The following HTRA1 variants were observed in gnomAD, a reference collection of about 807,000 sequenced individuals.
HTRA1 encodes the protein serine protease HTRA1.
Under a neutral mutation model 49.7 loss-of-function variants are expected in HTRA1, and 26 were observed. The ratio of observed to expected loss-of-function variants is 0.52; its 90% CI spans 0.38 to 0.73. HTRA1 has a LOEUF of 0.73. Ranked by LOEUF, HTRA1 falls within the 30% of genes least tolerant of loss-of-function variation. The pLI is 0.00. For synonymous variants in HTRA1, 291 were observed against 286.9 expected (o/e 1.01, Z -0.14); for missense variants, 561 against 667.2 (o/e 0.84, Z 1.75).
At chr10:122,500,245 C>G (rs1315074636) in intron 3 of HTRA1, among the ~76,000 whole-genome samples, 1 of 152,168 alleles carries the variant, frequency 6.6e-6, no homozygotes, top group Admixed American at 6.5e-5. Context: ...GCCCCCTCCT[C>G]TTGCAGCAGT....
At chr10:122,491,213 A>G (rs2133439695) in intron 3 of HTRA1, among the ~76,000 whole-genome samples, 1 of 152,278 alleles carries the variant, frequency 6.6e-6, no homozygotes, top group Non-Finnish European at 1.5e-5. Context: ...AAGTCTAGTA[A>G]CCTGTGTGAG....
rs200827613 is a variant in HTRA1 at position 122,493,279 on chromosome 10, C to T, written c.777+3653C>T. ...GCTTCTGCCCAAATCTGAAATTCCC[C>T]TCTCCTTGGGACCCACGACTGGGGC... On this transcript the variant is annotated intron_variant, in intron 3 of 8. Transcript: ENST00000368984. Among the ~76,000 whole-genome samples the T allele has an allele frequency of 3.3e-5, 5 of 152,306 alleles. No individual in the cohort carries two copies. The East Asian group carries it at 9.7e-4, about 29-fold the overall frequency.
At chr10:122,477,219 G>A (rs886610502) in intron 1 of HTRA1, among the ~76,000 whole-genome samples, 71 of 152,064 alleles carry the variant, frequency 4.7e-4, no homozygotes, top group Non-Finnish European at 7.4e-4. Context: ...TGCCCACCTT[G>A]GCCTCCCAAA....
chr10:122,498,294 C>T (rs1253522215), intron 3 of HTRA1, among the ~76,000 whole-genome samples: 1 of 152,166 alleles, frequency 6.6e-6, no homozygotes, highest in Non-Finnish European at 1.5e-5. Flanking sequence ...ACTCCCCTCC[C>T]TAGACAGTAG....
rs1403451640 is a variant in HTRA1 at position 122,490,203 on chromosome 10, G to A, written c.777+577G>A. ...TTTCTTCTTTCCAGACCTTCTCAGA[G>A]CTTTTAGTATGCTAGTGTGCACGTG... On this transcript the variant is annotated intron_variant, in intron 3 of 8. Transcript: ENST00000368984. This position sits in a 1 kb window ranked among gnomAD's most constrained non-coding sequence, Gnocchi z 4.2. 1.3e-5 allele frequency among the ~76,000 whole-genome samples: 2 copies of A among 152,328 alleles called. No homozygotes were observed. The highest frequency in any genetic ancestry group is 2.4e-5 in the African/African-American group (1 of 41,580).
intron 8 of HTRA1, among the ~76,000 whole-genome samples, chr10:122,512,593 G>A (rs28617445): frequency 6.6e-6 from 1 of 151,688 alleles, no homozygotes; most frequent in Non-Finnish European, 1.5e-5. Context: ...AGAAAAGTGC[G>A]AGACCAGGGA....
rs1404007918 is a variant in HTRA1, at chr10:122,494,093, T to C, written c.777+4467T>C. ...GTCCCCTCAACTCCACTGCCTCACTTTGGGGACACATCACCCCAGGGACAA... is the reference window on the plus strand; with the variant it reads ...GTCCCCTCAACTCCACTGCCTCACTCTGGGGACACATCACCCCAGGGACAA... On this transcript the variant is annotated intron_variant, in intron 3 of 8. Transcript: ENST00000368984. The surrounding 1 kb of genome is among the most constrained non-coding windows in gnomAD (Gnocchi z 4.0). Among the ~76,000 whole-genome samples, 4 of 152,278 alleles carry C rather than the reference T, an allele frequency of 2.6e-5. No individual in the cohort carries two copies. Among genetic ancestry groups the C allele is most frequent in the Non-Finnish European group, 5.9e-5 (4 of 68,010 alleles).
intron 1 of HTRA1, 113 bp downstream of exon 1, chr10:122,462,237 G>C: frequency 1.1e-5 from 10 of 938,000 alleles, no homozygotes; most frequent in Non-Finnish European, 1.6e-5. Flanking sequence ...GGGTGGCCAG[G>C]GCAACTCTCG....
At chr10:122,511,742 AAAATAAATAAAAAAAATAAAT>A (rs2097505697) in intron 7 of HTRA1, among the ~76,000 whole-genome samples, 1 of 76,484 alleles carries the variant, frequency 1.3e-5, no homozygotes, top group African/African-American at 3.7e-5. Flanking sequence ...CAAAAAAAAA[AAAATAAATAAAAAAAATAAAT>A]AAATAATAAA....
Position 122,462,065 on chromosome 10 carries a change from G to T in HTRA1, c.413G>T (p.Arg138Leu). 6.5e-7 allele frequency: 1 copy of T among 1,535,786 alleles called. No individual in the cohort carries two copies. Among genetic ancestry groups the T allele is most frequent in the Non-Finnish European group, 8.7e-7 (1 of 1,147,598 alleles). ...NLCQLRAASR[R>L]SERLHRPPVI... is the part of the protein sequence containing the mutation. The stretch of plus-strand genomic sequence containing the variant: ...TGCCAGCTGCGCGCCGCCAGCCGCC[G>T]CTCCGAGAGGCTGCACCGGCCGCCG... The change falls in exon 1 of 9, where the codon CGC becomes CTC. Residue 138 changes from arginine (R) to leucine (L), a missense_variant. Physicochemically the swap from Arg to Leu is moderately radical, Grantham distance 102 (BLOSUM62 -2). Coordinates refer to ENST00000368984, the MANE Select transcript of HTRA1 (RefSeq NM_002775.5).
In HTRA1 at chr10:122,513,939, A is replaced by AT. The variant is rs1478237256; in HGVS notation, c.1275-251dup. On this transcript the variant is annotated intron_variant, in intron 8 of 8. Transcript: ENST00000368984. ...ATTTTAGTAGAGACGGGGCTTCACCATGTTGGCCAGGCTGGTCTTGAACTC... is the reference window on the plus strand; with the variant it reads ...ATTTTAGTAGAGACGGGGCTTCACCATTGTTGGCCAGGCTGGTCTTGAACTC... 2.1e-5 allele frequency among the ~76,000 whole-genome samples: 3 copies of AT among 144,560 alleles called. No homozygotes were observed. The South Asian group carries it at 6.6e-4, about 32-fold the overall frequency. The allele number at this position is 144,560 out of a possible 152,430, so 94.8% of individuals were successfully genotyped here. A position where few individuals can be genotyped will look rare whatever the true frequency, so the allele number is the denominator to read the frequency against.
chr10:122,475,506 T>C (rs1452992630), intron 1 of HTRA1, among the ~76,000 whole-genome samples: 3 of 152,260 alleles, frequency 2.0e-5, no homozygotes, highest in Non-Finnish European at 4.4e-5. Flanking sequence ...ATCATTCAAA[T>C]TTTAGCCTTT....
chr10:122,488,767 TG>T lies in HTRA1; in HGVS notation c.473-130del, dbSNP rs2097494298. The T allele has an allele frequency of 7.6e-6, 6 of 785,130 alleles. No homozygotes were observed. The East Asian group carries it at 1.2e-4, about 16-fold the overall frequency. 48.6% of individuals were successfully genotyped at this position (785,130 alleles called of 1,614,324 possible). A position where few individuals can be genotyped will look rare whatever the true frequency, so the allele number is the denominator to read the frequency against. Reference sequence around the variant, plus strand: ...ATGGACATTTGCAGCTGAGCCCAGGTGGGGGAATTGCGCTCACTCCGCCTTC... The same window carrying T: ...ATGGACATTTGCAGCTGAGCCCAGGTGGGGAATTGCGCTCACTCCGCCTTC... On this transcript the variant is annotated intron_variant, in intron 1 of 8. Transcript: ENST00000368984.
chr10:122,477,236 G>A (rs375564745), intron 1 of HTRA1, among the ~76,000 whole-genome samples: 3 of 152,188 alleles, frequency 2.0e-5, no homozygotes, highest in East Asian at 3.9e-4. Context: ...CAAAGCGCTG[G>A]GATTACAGGT....
intron 3 of HTRA1, among the ~76,000 whole-genome samples, chr10:122,491,230 C>T (rs189628562): frequency 6.4e-4 from 97 of 152,360 alleles, no homozygotes; most frequent in African/African-American, 2.2e-3. Flanking sequence ...TGAGGCCACA[C>T]AGCAAACACC....
intron 1 of HTRA1, among the ~76,000 whole-genome samples, chr10:122,484,812 G>T (rs961108750): frequency 4.6e-5 from 7 of 152,234 alleles, no homozygotes; most frequent in East Asian, 1.9e-4. Context: ...GCCTGTGCCA[G>T]CCTTCTCCTC....
rs1302155864 is a variant in HTRA1 at position 122,463,083 on chromosome 10, C to T, written c.472+959C>T. The stretch of plus-strand genomic sequence containing the variant: ...AACCAGACAGCGGGGCTTGGCAGTG[C>T]GCTTGGGCGCAGCCGTGCCGCTGCT... On this transcript the variant is annotated intron_variant, in intron 1 of 8. Coordinates refer to ENST00000368984, the MANE Select transcript of HTRA1 (RefSeq NM_002775.5). Among the ~76,000 whole-genome samples, 4 of 152,388 alleles carry T rather than the reference C, an allele frequency of 2.6e-5. No individual in the cohort carries two copies. In the East Asian group the frequency reaches 7.7e-4, roughly 29 times the overall value.
rs1565427091 is a variant in HTRA1 at position 122,496,224 on chromosome 10, G to GTTTTTTTTTTTT, written c.777+6598_777+6599insTTTTTTTTTTTT. On this transcript the variant is annotated intron_variant, in intron 3 of 8. Transcript: ENST00000368984. ...GCCCTTTCGTTTGCCAGAGATTGTG[G>GTTTTTTTTTTTT]GTTCTTTTTTTTTTTTTTTTTTTTT... Among the ~76,000 whole-genome samples the GTTTTTTTTTTTT allele has an allele frequency of 1.7e-3, 54 of 32,090 alleles. 3 individuals are homozygous for GTTTTTTTTTTTT. The highest frequency in any genetic ancestry group is 7.3e-3 in the East Asian group (12 of 1,646). 21.1% of individuals were successfully genotyped at this position (32,090 alleles called of 152,430 possible).
chr10:122,512,017 T>A lies in HTRA1; in HGVS notation c.1226T>A (p.Ile409Asn). ...KDRHRDFPDV[I>N]SGAYIIEVIP... ...CGGCACCGGGACTTCCCAGACGTGA[T>A]CTCAGGAGCGTATATAATTGAAGTA... Residue 409 changes from isoleucine (I) to asparagine (N), a missense_variant, in exon 8 of 9, where the codon ATC becomes AAC. Ile to Asn is a moderately radical substitution (Grantham distance 149). Transcript: ENST00000368984. 3 of 1,614,042 alleles carry A rather than the reference T, an allele frequency of 1.9e-6. No homozygotes were observed. The highest frequency in any genetic ancestry group is 2.5e-6 in the Non-Finnish European group (3 of 1,179,958).
Sources: gnomAD v4.1 joint callset for allele counts (sites outside exome capture counted in the v4.1 genomes callset) on GRCh38, gnomAD v4.1.1 for gene constraint, Gnocchi (gnomAD v3.1) non-coding constraint, MANE v1.5 for transcripts, NCBI Gene and HGNC (gene_info 2026-07-23, HGNC 2026-07-21) for gene names.